The following MIR2052HG variants were observed in gnomAD, a reference collection of about 807,000 sequenced individuals.
MIR2052HG encodes MIR2052 host gene.
intron 2 of MIR2052HG, among the ~76,000 whole-genome samples, chr8:74,695,993 T>C (rs1164831409): frequency 6.6e-6 from 1 of 152,110 alleles, no homozygotes; most frequent in African/African-American, 2.4e-5. Context: ...ATTTACAGAA[T>C]GTTCTACTTA....
chr8:74,647,767 G>A (rs546318696), intron 2 of MIR2052HG, among the ~76,000 whole-genome samples: 2 of 152,308 alleles, frequency 1.3e-5, no homozygotes, highest in South Asian at 4.1e-4. Flanking sequence ...ACATTTATCA[G>A]TTCCCAAAAT....
intron 2 of MIR2052HG, among the ~76,000 whole-genome samples, chr8:74,687,505 T>C (rs911332568): frequency 6.6e-6 from 1 of 152,126 alleles, no homozygotes; most frequent in Non-Finnish European, 1.5e-5. Flanking sequence ...AATGGAATTA[T>C]TTAGCCATAA....
chr8:74,680,150 C>G (rs1809106921), intron 2 of MIR2052HG, among the ~76,000 whole-genome samples: 2 of 151,916 alleles, frequency 1.3e-5, no homozygotes, highest in Admixed American at 6.6e-5. Flanking sequence ...TACATTTTAC[C>G]AGAGTCTATT....
chr8:74,602,876 T>TCTTTCTTTCTTTTC (rs1554570015), intron 1 of MIR2052HG, among the ~76,000 whole-genome samples: 10 of 137,150 alleles, frequency 7.3e-5, no homozygotes, highest in African/African-American at 1.1e-4. Context: ...TTTCTTTCTT[T>TCTTTCTTTCTTTTC]TTTCTATTCA....
chr8:74,609,128 G>A (rs370367345), intron 1 of MIR2052HG, among the ~76,000 whole-genome samples: 1 of 151,902 alleles, frequency 6.6e-6, no homozygotes, highest in East Asian at 1.9e-4. Context: ...TCACTAAAGA[G>A]TTTATTGATA....
intron 2 of MIR2052HG, among the ~76,000 whole-genome samples, chr8:74,690,910 T>C (rs1198851511): frequency 6.6e-6 from 1 of 152,130 alleles, no homozygotes; most frequent in Non-Finnish European, 1.5e-5. Context: ...TAACATTTAC[T>C]TCTAGCAGTT....
chr8:74,740,394 G>A (rs947375524), intron 4 of MIR2052HG, among the ~76,000 whole-genome samples: 2 of 152,140 alleles, frequency 1.3e-5, no homozygotes, highest in African/African-American at 4.8e-5. Flanking sequence ...AACCCAGGAG[G>A]TGGAGGTTGC....
intron 2 of MIR2052HG, among the ~76,000 whole-genome samples, chr8:74,663,513 C>A (rs1181443934): frequency 1.3e-5 from 2 of 152,224 alleles, no homozygotes; most frequent in Non-Finnish European, 2.9e-5. Flanking sequence ...AGATAGTTAG[C>A]TTTGCAAAGG....
At chr8:74,734,768 C>G (rs1187467724) in intron 4 of MIR2052HG, among the ~76,000 whole-genome samples, 1 of 152,216 alleles carries the variant, frequency 6.6e-6, no homozygotes, top group Non-Finnish European at 1.5e-5. Context: ...CCTGCTGACC[C>G]ATGCAAGACC....
chr8:74,720,815 C>T (rs181693776), intron 4 of MIR2052HG, among the ~76,000 whole-genome samples: 34 of 152,022 alleles, frequency 2.2e-4, no homozygotes, highest in South Asian at 1.5e-3. Flanking sequence ...ACCATCATGG[C>T]GGAAAGCAAG....
intron 4 of MIR2052HG, among the ~76,000 whole-genome samples, chr8:74,750,058 T>G (rs1034508901): frequency 2.6e-5 from 4 of 152,194 alleles, no homozygotes; most frequent in African/African-American, 9.7e-5. Context: ...CCTGACATTT[T>G]ACTTTGCTGA....
intron 2 of MIR2052HG, among the ~76,000 whole-genome samples, chr8:74,673,143 C>A (rs1016241026): frequency 6.6e-6 from 1 of 151,992 alleles, no homozygotes; most frequent in Non-Finnish European, 1.5e-5. Flanking sequence ...TGGACAGTTA[C>A]GTATTGTTTA....
chr8:74,752,628 A>G, intron 5 of MIR2052HG: 1 of 345,074 alleles, frequency 2.9e-6, no homozygotes, highest in Non-Finnish European at 5.7e-6. Flanking sequence ...GAAGCATTTG[A>G]TTGTATCTTT....
chr8:74,629,090 A>G (rs906821866), intron 2 of MIR2052HG, among the ~76,000 whole-genome samples: 2 of 152,108 alleles, frequency 1.3e-5, no homozygotes, highest in African/African-American at 4.8e-5. Flanking sequence ...TTGCTTTCAC[A>G]CAGATTTGCT....
At chr8:74,689,856 G>A (rs191305524) in intron 2 of MIR2052HG, among the ~76,000 whole-genome samples, 3 of 152,230 alleles carry the variant, frequency 2.0e-5, no homozygotes, top group East Asian at 3.9e-4. Flanking sequence ...GAGATTCTGG[G>A]GATAGAGACA....
At chr8:74,613,913 T>A (rs1251751462) in intron 2 of MIR2052HG, among the ~76,000 whole-genome samples, 1 of 152,220 alleles carries the variant, frequency 6.6e-6, no homozygotes, top group Non-Finnish European at 1.5e-5. Context: ...TGGTTATGCA[T>A]TGAATTTTAG....
intron 2 of MIR2052HG, among the ~76,000 whole-genome samples, chr8:74,660,920 A>G (rs1204751599): frequency 7.9e-5 from 12 of 152,184 alleles, no homozygotes; most frequent in Non-Finnish European, 1.0e-4. Context: ...TGAAAACCTG[A>G]TAACAGTTGG....
intron 2 of MIR2052HG, among the ~76,000 whole-genome samples, chr8:74,631,691 G>A (rs1160359317): frequency 6.6e-6 from 1 of 152,170 alleles, no homozygotes; most frequent in African/African-American, 2.4e-5. Context: ...GCCTTAGACT[G>A]GGTAATTTAT....
intron 2 of MIR2052HG, among the ~76,000 whole-genome samples, chr8:74,648,259 G>A (rs886975364): frequency 5.3e-5 from 8 of 152,142 alleles, no homozygotes; most frequent in African/African-American, 1.9e-4. Context: ...CTCTGGGAGT[G>A]TCTGTCTTCT....
Sources: allele counts gnomAD v4.1 joint callset (sites outside exome capture counted in the v4.1 genomes callset), GRCh38; gene constraint gnomAD v4.1.1; transcripts MANE v1.5; gene names NCBI Gene and HGNC (gene_info 2026-07-23, HGNC 2026-07-21).